The following PDLIM5 variants were observed in gnomAD, a reference collection of about 807,000 sequenced individuals.
The protein encoded by PDLIM5 is PDZ and LIM domain 5.
A neutral mutation model predicts 64.2 loss-of-function variants in PDLIM5; 34 were observed. That is an observed-to-expected ratio of 0.53 (90% CI 0.40 to 0.71). The LOEUF is 0.71. Among genes scored for constraint, PDLIM5 ranks in the 30% least tolerant of loss-of-function variants. The pLI is 0.00. For missense variants in PDLIM5, 683 were observed against 733.6 expected (o/e 0.93, Z 0.80); for synonymous variants, 253 against 269.1 (o/e 0.94, Z 0.59).
At chr4:94,535,835 CTTTTT>C (rs10590994) in intron 3 of PDLIM5, among the ~76,000 whole-genome samples, 10 of 123,046 alleles carry the variant, frequency 8.1e-5, no homozygotes, top group East Asian at 2.3e-4. Flanking sequence ...ATAAGGTCCT[CTTTTT>C]TTTTTTTTTT....
chr4:94,456,280 C>T (rs1465991339), intron 2 of PDLIM5: 2 of 508,766 alleles, frequency 3.9e-6, no homozygotes, highest in East Asian at 3.6e-5. Context: ...CTCACCACAA[C>T]CTCCATCTCC....
intron 3 of PDLIM5, among the ~76,000 whole-genome samples, chr4:94,536,987 A>G (rs541428902): frequency 1.2e-3 from 188 of 152,278 alleles, no homozygotes; most frequent in African/African-American, 4.4e-3. Flanking sequence ...TAAAGCCTGC[A>G]TTTTCATTGT....
Position 94,511,409 on chromosome 4 carries a change from T to C in PDLIM5, c.97-12315T>C, listed in dbSNP as rs564870635. 1.4e-4 allele frequency among the ~76,000 whole-genome samples: 22 copies of C among 152,268 alleles called. 1 individual carries two copies. In the South Asian group the frequency reaches 4.6e-3, roughly 32 times the overall value. ...CGTACAGGCATGCAATGCATAATAA[T>C]CACATCGTGGAGAATCGGGTCTCCA... On this transcript the variant is annotated intron_variant, in intron 2 of 12. Coordinates refer to ENST00000317968, the MANE Select transcript of PDLIM5 (RefSeq NM_006457.5).
intron 1 of PDLIM5, among the ~76,000 whole-genome samples, chr4:94,452,892 G>T (rs1434145771): frequency 6.6e-6 from 1 of 152,178 alleles, no homozygotes; most frequent in African/African-American, 2.4e-5. Context: ...CTGTCCTGTC[G>T]GCTGCTTTCA....
Position 94,573,348 on chromosome 4 carries a change from C to A in PDLIM5, c.249-3C>A. On this transcript the variant is annotated splice_polypyrimidine_tract_variant and splice_region_variant and intron_variant, in intron 3 of 12. Transcript: ENST00000317968. ...TTTTCTTTTTCTTTCTTTTTTTCCT[C>A]AGAGCATCTGCTGCACCCAAGCCTG... 6.2e-7 allele frequency: 1 copy of A among 1,605,926 alleles called. No homozygotes were observed. The highest frequency in any genetic ancestry group is 8.5e-7 in the Non-Finnish European group (1 of 1,176,500).
rs779824244 is a variant in PDLIM5, at chr4:94,523,775, G to A, written c.148G>A (p.Val50Ile). The A allele has an allele frequency of 4.3e-6, 7 of 1,612,760 alleles. No homozygotes were observed. The Admixed American group carries it at 1.2e-4, about 27-fold the overall frequency. ...AQANVRIGDV[V>I]LSIDGINAQG... Reference sequence around the variant, plus strand: ...GGCAAATGTAAGAATAGGCGATGTGGTTCTCAGCATTGATGGAATAAATGC... The same window carrying A: ...GGCAAATGTAAGAATAGGCGATGTGATTCTCAGCATTGATGGAATAAATGC... The change falls in exon 3 of 13, where the codon GTT becomes ATT. Residue 50 changes from valine to isoleucine, a missense_variant. By Grantham distance (29) the Val-to-Ile change is conservative. Coordinates refer to ENST00000317968, the MANE Select transcript of PDLIM5 (RefSeq NM_006457.5).
intron 7 of PDLIM5, among the ~76,000 whole-genome samples, chr4:94,613,960 CTTTTTTTTTTTT>C (rs759120575): frequency 1.6e-5 from 2 of 124,348 alleles, no homozygotes; most frequent in Non-Finnish European, 3.3e-5. Flanking sequence ...ACTTTTAATC[CTTTTTTTTTTTT>C]TTTTTTTTTG....
intron 7 of PDLIM5, chr4:94,587,025 C>T (rs770677577): frequency 2.6e-6 from 4 of 1,557,132 alleles, no homozygotes; most frequent in Admixed American, 3.5e-5. Context: ...GTCCCAAATA[C>T]ACAAAATTAC....
chr4:94,657,601 AC>A (rs1742309336), intron 11 of PDLIM5, 54 bp downstream of exon 11: 2 of 1,372,372 alleles, frequency 1.5e-6, no homozygotes, highest in Non-Finnish European at 2.0e-6. Flanking sequence ...TAAAACATTA[AC>A]CCTTATATTA....
At chr4:94,660,731 A>G (rs1215503197) in intron 11 of PDLIM5, among the ~76,000 whole-genome samples, 1 of 152,124 alleles carries the variant, frequency 6.6e-6, no homozygotes, top group Non-Finnish European at 1.5e-5. Flanking sequence ...AAGATTGACA[A>G]TTGCCAAGTA....
intron 3 of PDLIM5, among the ~76,000 whole-genome samples, chr4:94,548,286 A>G (rs1214968406): frequency 6.6e-6 from 1 of 152,210 alleles, no homozygotes; most frequent in Non-Finnish European, 1.5e-5. Flanking sequence ...ACTCAAATGG[A>G]TTGCCATCCA....
At chr4:94,519,743 G>A (rs952414937) in intron 2 of PDLIM5, among the ~76,000 whole-genome samples, 1 of 152,022 alleles carries the variant, frequency 6.6e-6, no homozygotes, top group Non-Finnish European at 1.5e-5. Context: ...TATATGAGAG[G>A]AGCTACCTTC....
intron 2 of PDLIM5, among the ~76,000 whole-genome samples, chr4:94,491,200 G>C (rs1726839511): frequency 6.6e-6 from 1 of 152,168 alleles, no homozygotes; most frequent in East Asian, 1.9e-4. Flanking sequence ...ACTGCTAAGG[G>C]GATTGATTTA....
intron 2 of PDLIM5, chr4:94,456,805 T>A: frequency 8.6e-7 from 1 of 1,162,298 alleles, no homozygotes; most frequent in Non-Finnish European, 1.1e-6. Context: ...TTTGTGCCAG[T>A]CTTACCAACA....
At chr4:94,536,879 C>T (rs1731365224) in intron 3 of PDLIM5, among the ~76,000 whole-genome samples, 1 of 152,144 alleles carries the variant, frequency 6.6e-6, no homozygotes, top group Non-Finnish European at 1.5e-5. Context: ...ACTGAAATAG[C>T]TTAGGCTTTA....
chr4:94,469,141 C>T (rs1434843164), intron 2 of PDLIM5, among the ~76,000 whole-genome samples: 1 of 152,080 alleles, frequency 6.6e-6, no homozygotes, highest in Admixed American at 6.5e-5. Flanking sequence ...TGAGTGCCAG[C>T]TATGTGCTCT....
At chr4:94,549,721 G>C (rs968263802) in intron 3 of PDLIM5, 2 of 152,070 alleles carry the variant, frequency 1.3e-5, no homozygotes, top group Non-Finnish European at 2.9e-5. Flanking sequence ...AGGGCAATTT[G>C]GATAAAGTAT....
In PDLIM5 at chr4:94,464,038, AAG is replaced by A. The variant is rs202052683; in HGVS notation, c.96+8657_96+8658del. ...ATGTGTTGGTAACTATAGTAACAAA[AAG>A]AGTAAGGATGCCAGGGATATTTATA... On this transcript the variant is annotated intron_variant, in intron 2 of 12. Coordinates refer to ENST00000317968, the MANE Select transcript of PDLIM5 (RefSeq NM_006457.5). 2.0e-4 allele frequency among the ~76,000 whole-genome samples: 30 copies of A among 152,336 alleles called. No homozygotes were observed. In the East Asian group the frequency reaches 5.4e-3, roughly 27 times the overall value.
At chr4:94,491,434 G>A (rs1316466058) in intron 2 of PDLIM5, among the ~76,000 whole-genome samples, 1 of 152,044 alleles carries the variant, frequency 6.6e-6, no homozygotes, top group Non-Finnish European at 1.5e-5. Flanking sequence ...TTTGGACTGA[G>A]AACAAATTGA....
Sources: gnomAD v4.1 joint callset for allele counts (sites outside exome capture counted in the v4.1 genomes callset) on GRCh38, gnomAD v4.1.1 for gene constraint, MANE v1.5 for transcripts, NCBI Gene and HGNC (gene_info 2026-07-23, HGNC 2026-07-21) for gene names.